Variants in ASTN2 observed in about 807,000 individuals in gnomAD.
The protein encoded by ASTN2 is astrotactin-2.
A neutral mutation model predicts 139.8 loss-of-function variants in ASTN2; 54 were observed. The observed-to-expected ratio is 0.39, with a 90% CI of 0.31 to 0.48. ASTN2 has a LOEUF of 0.48. Ranked by LOEUF, ASTN2 falls within the 20% of genes least tolerant of loss-of-function variation. ASTN2 has a pLI of 0.95. For synonymous variants in ASTN2, 756 were observed against 719.5 expected (o/e 1.05, Z -0.81); for missense variants, 1,565 against 1,725.1 (o/e 0.91, Z 1.64).
rs528592992 is a variant in ASTN2, at chr9:117,117,388, C to T, written c.1169-21237G>A. The stretch of plus-strand genomic sequence containing the variant: ...GTGGAGAAAAAAAAAAAGAAAAGAA[C>T]GAAGAAAGAGAAAAAAAAAAAACGC... On this transcript the variant is annotated intron_variant, in intron 4 of 22. Coordinates refer to ENST00000313400, the MANE Select transcript of ASTN2 (RefSeq NM_001365068.1). Among the ~76,000 whole-genome samples, 17 of 121,344 alleles carry T rather than the reference C, an allele frequency of 1.4e-4. No homozygotes were observed. The South Asian group carries it at 2.5e-3, about 18-fold the overall frequency. 79.6% of individuals were successfully genotyped at this position (121,344 alleles called of 152,430 possible).
chr9:117,259,570 T>C (rs982287107), intron 2 of ASTN2, among the ~76,000 whole-genome samples: 2 of 152,210 alleles, frequency 1.3e-5, no homozygotes, highest in African/African-American at 2.4e-5. Context: ...TTATAAAACC[T>C]TGGTCATCAT....
chr9:116,980,011 T>C (rs1477465472), intron 7 of ASTN2, among the ~76,000 whole-genome samples: 1 of 152,144 alleles, frequency 6.6e-6, no homozygotes, highest in African/African-American at 2.4e-5. Context: ...ACAACAAATA[T>C]ATATTTTGCA....
intron 10 of ASTN2, among the ~76,000 whole-genome samples, chr9:116,865,115 T>C (rs1168504160): frequency 1.3e-5 from 2 of 152,126 alleles, no homozygotes; most frequent in African/African-American, 4.8e-5. Flanking sequence ...AAACAGGTTC[T>C]AAACTGGAAA....
chr9:116,486,814 T>C (rs1287092315), intron 20 of ASTN2, among the ~76,000 whole-genome samples: 1 of 152,198 alleles, frequency 6.6e-6, no homozygotes, highest in Non-Finnish European at 1.5e-5. Flanking sequence ...GAAGTTTGAA[T>C]GCAGTGACTC....
chr9:116,987,269 A>C (rs1162200461), intron 7 of ASTN2, among the ~76,000 whole-genome samples: 1 of 152,236 alleles, frequency 6.6e-6, no homozygotes, highest in Non-Finnish European at 1.5e-5. Context: ...GTAAGTTCTT[A>C]TGAGATCTGG....
intron 12 of ASTN2, among the ~76,000 whole-genome samples, chr9:116,809,841 T>G (rs964637972): frequency 6.6e-6 from 1 of 152,220 alleles, no homozygotes; most frequent in African/African-American, 2.4e-5. Flanking sequence ...TTCCTGGACT[T>G]ACATGTCTAA....
chr9:117,179,324 C>T (rs967498836), intron 3 of ASTN2, among the ~76,000 whole-genome samples: 1 of 151,918 alleles, frequency 6.6e-6, no homozygotes, highest in African/African-American at 2.4e-5. Flanking sequence ...CATATATATG[C>T]TTATGTGGGG....
intron 13 of ASTN2, among the ~76,000 whole-genome samples, chr9:116,788,932 T>C (rs771651586): frequency 3.3e-5 from 5 of 152,176 alleles, no homozygotes; most frequent in Non-Finnish European, 5.9e-5. Flanking sequence ...GCTCTTGATG[T>C]GTACTGATTG....
chr9:116,643,914 A>G (rs1233841721), intron 17 of ASTN2, among the ~76,000 whole-genome samples: 2 of 152,216 alleles, frequency 1.3e-5, no homozygotes, highest in Non-Finnish European at 2.9e-5. Flanking sequence ...TTATAGTAGC[A>G]TATGTGTCCT....
intron 16 of ASTN2, among the ~76,000 whole-genome samples, chr9:116,659,842 A>T (rs1427680435): frequency 6.6e-6 from 1 of 152,186 alleles, no homozygotes; most frequent in Non-Finnish European, 1.5e-5. Flanking sequence ...TGTGGAAATC[A>T]GTACCTTTCT....
intron 4 of ASTN2, among the ~76,000 whole-genome samples, chr9:117,120,386 C>A (rs547927031): frequency 5.3e-5 from 8 of 152,194 alleles, no homozygotes; most frequent in Non-Finnish European, 7.4e-5. Context: ...GGCCACCATG[C>A]CACAGTGAGT....
chr9:116,515,511 C>T (rs1359803919), intron 19 of ASTN2, among the ~76,000 whole-genome samples: 3 of 152,154 alleles, frequency 2.0e-5, no homozygotes, highest in African/African-American at 7.2e-5. Context: ...TTGCTACTGT[C>T]CTGAGGAAGG....
At chr9:116,787,252 G>C (rs545144024) in intron 13 of ASTN2, among the ~76,000 whole-genome samples, 4 of 152,150 alleles carry the variant, frequency 2.6e-5, no homozygotes, top group Non-Finnish European at 4.4e-5. Context: ...CACCAGGCAG[G>C]CTTCTCCAGT....
chr9:117,180,673 A>G, intron 3 of ASTN2: 1 of 1,509,302 alleles, frequency 6.6e-7, no homozygotes, highest in Non-Finnish European at 8.9e-7. Context: ...ATTGGTGAGT[A>G]TTAAGAGGGG....
At chr9:116,614,561 C>T (rs7864410) in intron 19 of ASTN2, among the ~76,000 whole-genome samples, 73,132 of 151,570 alleles carry the variant, frequency 0.48, 17,941 homozygotes, top group East Asian at 0.71. Context: ...CCCCCGGAAA[C>T]AATACCACAC....
intron 5 of ASTN2, among the ~76,000 whole-genome samples, chr9:117,050,297 A>G (rs1838876808): frequency 6.6e-6 from 1 of 152,156 alleles, no homozygotes; most frequent in African/African-American, 2.4e-5. Flanking sequence ...CTCCTTTGAA[A>G]GTCCCTGTTC....
At chr9:116,801,530 G>A (rs1307248414) in intron 13 of ASTN2, among the ~76,000 whole-genome samples, 2 of 114,628 alleles carry the variant, frequency 1.7e-5, no homozygotes, top group Non-Finnish European at 3.3e-5. Flanking sequence ...AGTGAGCCAA[G>A]ATCATGTCAC....
rs58832163 is a variant in ASTN2 at position 116,948,785 on chromosome 9, G to GTTTTTTTTTTTTTTTTTTTTTTTTT, written c.1889+26398_1889+26422dup. On this transcript the variant is annotated intron_variant, in intron 10 of 22. Transcript: ENST00000313400. ...AGAGAGAGGAGAGAAATAATTTGGT[G>GTTTTTTTTTTTTTTTTTTTTTTTTT]TTTTTTTTTTTTTTTTTTTTTTTTT... is the stretch of plus-strand genomic sequence containing the variant. Among the ~76,000 whole-genome samples the GTTTTTTTTTTTTTTTTTTTTTTTTT allele has an allele frequency of 6.1e-5, 3 of 49,472 alleles. 1 individual carries two copies. Among genetic ancestry groups the GTTTTTTTTTTTTTTTTTTTTTTTTT allele is most frequent in the African/African-American group, 8.6e-5 (1 of 11,590 alleles). 32.5% of individuals were successfully genotyped at this position (49,472 alleles called of 152,430 possible). A position where few individuals can be genotyped will look rare whatever the true frequency, so the allele number is the denominator to read the frequency against.
At chr9:117,215,315 T>C (rs534747815) in intron 2 of ASTN2, among the ~76,000 whole-genome samples, 1 of 152,236 alleles carries the variant, frequency 6.6e-6, no homozygotes, top group African/African-American at 2.4e-5. Flanking sequence ...GCATAGTCTG[T>C]ATTTTCTTCA....
Sources: gnomAD v4.1 joint callset for allele counts (sites outside exome capture counted in the v4.1 genomes callset) on GRCh38, gnomAD v4.1.1 for gene constraint, MANE v1.5 for transcripts, NCBI Gene and HGNC (gene_info 2026-07-23, HGNC 2026-07-21) for gene names.